The following MBL2 variants were observed in gnomAD, a reference collection of about 807,000 sequenced individuals.
MBL2 encodes mannose-binding protein C.
Under a neutral mutation model 12.7 loss-of-function variants are expected in MBL2, and 6 were observed. The observed-to-expected ratio is 0.47, with a 90% confidence interval of 0.26 to 0.94. The LOEUF (loss-of-function observed/expected upper bound fraction) is 0.94. MBL2 is among the 40% of genes least tolerant of loss of function. The pLI, the probability that MBL2 is intolerant of heterozygous loss-of-function variation, is 0.15. For missense variants in MBL2, 307 were observed against 295.2 expected, an observed-to-expected ratio of 1.04 and a Z score of -0.29; for synonymous variants, 114 against 112.0, an observed-to-expected ratio of 1.02 and a Z score of -0.11.
At chr10:52,772,145 G>A (rs1840404392) in intron 1 of MBL2, among the ~76,000 whole-genome samples, 1 of 152,172 alleles carries the variant, frequency 6.6e-6, no homozygotes, top group African/African-American at 2.4e-5. Context: ...CAGGCCCTGA[G>A]CTGAAAGCTG....
In MBL2 at chr10:52,768,386, C is replaced by G. The variant is rs1840338906; in HGVS notation, c.498G>C (p.Arg166Ser). 1 of 1,613,726 alleles carries G rather than the reference C, an allele frequency of 6.2e-7. No individual in the cohort carries two copies. Among genetic ancestry groups the G allele is most frequent in the African/African-American group, 1.3e-5 (1 of 74,718 alleles). Reference sequence around the variant, plus strand: ...GAATGGCTCCATTCTCTGCAGCATTCCTGGGGGTGGCCACAGAGGCCTGGA... The same window carrying G: ...GAATGGCTCCATTCTCTGCAGCATTGCTGGGGGTGGCCACAGAGGCCTGGA... Reference protein sequence around the residue: ...VKFQASVATPRNAAENGAIQN... With the variant: ...VKFQASVATPSNAAENGAIQN... Residue 166 changes from arginine to serine, a missense_variant, in exon 5 of 5, where the codon AGG (arginine) becomes AGC (serine). By Grantham distance (110) the Arg-to-Ser change is moderately radical (BLOSUM62 -1). Transcript: ENST00000674931.
At chr10:52,772,307 C>CGG (rs1840407184) in intron 1 of MBL2, among the ~76,000 whole-genome samples, 1 of 152,170 alleles carries the variant, frequency 6.6e-6, no homozygotes, top group Non-Finnish European at 1.5e-5. Context: ...TACGTTGGCC[C>CGG]TGGCAGAGTG....
chr10:52,769,851 CTTG>C (rs1391047897), intron 3 of MBL2, among the ~76,000 whole-genome samples: 1 of 152,182 alleles, frequency 6.6e-6, no homozygotes, highest in Non-Finnish European at 1.5e-5. Context: ...GAGCAAATCA[CTTG>C]TTGTAGTAGA....
intron 3 of MBL2, among the ~76,000 whole-genome samples, 190 bp from the exon 4 acceptor site, chr10:52,769,505 C>T (rs1224959810): frequency 6.6e-6 from 1 of 152,114 alleles, no homozygotes; most frequent in African/African-American, 2.4e-5. Flanking sequence ...CCATCCAACC[C>T]CAAATGTCCC....
At position 52,765,615 on chromosome 10, in the gene MBL2, CTGCA is replaced by C. The variant is rs1840294423; in HGVS notation, c.*2518_*2521del. ...AATAAGAATGATTATTTTCTCTCAG[CTGCA>C]AATACATGGCTGAAACACAAAGTAA... On this transcript the variant is annotated 3_prime_UTR_variant, in exon 5 of 5. Coordinates refer to ENST00000674931, the MANE Select transcript of MBL2 (RefSeq NM_001378373.1). 1 of 152,136 alleles carries C rather than the reference CTGCA, an allele frequency of 6.6e-6. No homozygotes were observed. The highest frequency in any genetic ancestry group is 2.4e-5 in the African/African-American group (1 of 41,436). 9.4% of individuals were successfully genotyped at this position (152,136 alleles called of 1,614,324 possible).
At position 52,768,265 on chromosome 10, in the gene MBL2, T is replaced by G; in HGVS notation, c.619A>C (p.Asn207His). ...DLTGNRLTYT[N>H]WNEGEPNNAG... is the part of the protein sequence containing the mutation. ...TTGTTGGGTTCACCCTCGTTCCAGT[T>G]TGTGTAGGTCAGTCTATTTCCTGTC... is the stretch of plus-strand genomic sequence containing the variant. Residue 207 changes from asparagine (N) to histidine (H), a missense_variant, in exon 5 of 5, where the codon AAC becomes CAC. Transcript: ENST00000674931. The G allele has an allele frequency of 6.2e-7, 1 of 1,613,904 alleles. No homozygotes were observed. The highest frequency in any genetic ancestry group is 8.5e-7 in the Non-Finnish European group (1 of 1,180,016).
rs1840392816 is a variant in MBL2 at position 52,771,540 on chromosome 10, G to A, written c.96C>T (p.Cys32=). 1 of 1,613,930 alleles carries A rather than the reference G, an allele frequency of 6.2e-7. No homozygotes were observed. The highest frequency in any genetic ancestry group is 8.5e-7 in the Non-Finnish European group (1 of 1,179,886). ...GAGAGCTACAGGCAATCACTGCAGG[G>A]CAGGTCTTTTGGGCATCCTCACAGG... The part of the protein sequence containing the change: ...TVTCEDAQKT[C]PAVIACSSPG... The change falls in exon 2 of 5, where the codon TGC becomes TGT. Residue 32 remains cysteine (C), a synonymous_variant. Coordinates refer to ENST00000674931, the MANE Select transcript of MBL2 (RefSeq NM_001378373.1).
chr10:52,772,156 G>C (rs1043218046), intron 1 of MBL2, among the ~76,000 whole-genome samples: 1 of 152,206 alleles, frequency 6.6e-6, no homozygotes, highest in African/African-American at 2.4e-5. Context: ...CTGAAAGCTG[G>C]TGATCCAAAG....
At chr10:52,771,687 A>G in intron 1 of MBL2, 43 bp from the exon 2 acceptor site, 1 of 1,577,566 alleles carries the variant, frequency 6.3e-7, no homozygotes, top group Non-Finnish European at 8.6e-7. Context: ...TCAGTTAATG[A>G]ACACATATTT....
At chr10:52,772,244 T>A (rs1052547019) in intron 1 of MBL2, among the ~76,000 whole-genome samples, 1 of 152,198 alleles carries the variant, frequency 6.6e-6, no homozygotes, top group Admixed American at 6.5e-5. Flanking sequence ...TGCTTCCCCT[T>A]GGTGTTTTAG....
intron 3 of MBL2, 40 bp downstream of exon 3, chr10:52,770,630 C>T (rs372992382): frequency 1.6e-6 from 2 of 1,252,390 alleles, no homozygotes; most frequent in South Asian, 2.2e-5. Flanking sequence ...GGTCTCAGAA[C>T]CCTGGGTGAA....
chr10:52,768,252 C>A lies in MBL2; in HGVS notation c.632G>T (p.Gly211Val). Reference protein sequence around the residue: ...NRLTYTNWNEGEPNNAGSDED... With the variant: ...NRLTYTNWNEVEPNNAGSDED... ...ATCAGAACCAGCATTGTTGGGTTCA[C>A]CCTCGTTCCAGTTTGTGTAGGTCAG... Residue 211 changes from glycine to valine, a missense_variant, in exon 5 of 5, where the codon GGT (glycine) becomes GTT (valine). Coordinates refer to ENST00000674931, the MANE Select transcript of MBL2 (RefSeq NM_001378373.1). 1 of 1,613,870 alleles carries A rather than the reference C, an allele frequency of 6.2e-7. No individual in the cohort carries two copies. The highest frequency in any genetic ancestry group is 8.5e-7 in the Non-Finnish European group (1 of 1,180,012).
chr10:52,771,050 C>T (rs1165957521), intron 2 of MBL2, among the ~76,000 whole-genome samples: 2 of 152,128 alleles, frequency 1.3e-5, no homozygotes, highest in Non-Finnish European at 2.9e-5. Flanking sequence ...TTCTCCTGTC[C>T]AGCCCACTGC....
intron 1 of MBL2, 148 bp from the exon 2 acceptor site, chr10:52,771,792 C>A (rs922053752): frequency 1.1e-5 from 13 of 1,177,994 alleles, no homozygotes; most frequent in Middle Eastern, 5.9e-4. Context: ...GAAAAGTAAA[C>A]ATTCCTTGTG....
Position 52,770,762 on chromosome 10 carries a change from C to A in MBL2, c.212G>T (p.Gly71Val), listed in dbSNP as rs773731975. ...EPGQGLRGLQGPPGKLGPPGN... is the reference protein window; with the variant it reads ...EPGQGLRGLQVPPGKLGPPGN... ...TGGAGGCCCCAACTTTCCAGGGGGG[C>A]CCTGTAAGCCTCTGAGCCCTTGGCC... Residue 71 changes from glycine (G) to valine (V), a missense_variant, in exon 3 of 5, where the codon GGC becomes GTC. Transcript: ENST00000674931. 2 of 1,502,826 alleles carry A rather than the reference C, an allele frequency of 1.3e-6. No homozygotes were observed. 93.1% of individuals were successfully genotyped at this position (1,502,826 alleles called of 1,614,324 possible).
At chr10:52,770,904 C>G (rs951763566) in intron 2 of MBL2, 118 bp from the exon 3 acceptor site, 40 of 504,048 alleles carry the variant, frequency 7.9e-5, no homozygotes, top group Non-Finnish European at 1.2e-4. Flanking sequence ...ACTGACCTTT[C>G]TGAGCACTGC....
At position 52,766,113 on chromosome 10, in the gene MBL2, A is replaced by G. The variant is rs1363920250; in HGVS notation, c.*2024T>C. 2.6e-5 allele frequency: 4 copies of G among 152,206 alleles called. No individual in the cohort carries two copies. Among genetic ancestry groups the G allele is most frequent in the African/African-American group, 7.2e-5 (3 of 41,464 alleles). 9.4% of individuals were successfully genotyped at this position (152,206 alleles called of 1,614,324 possible). The stretch of plus-strand genomic sequence containing the variant: ...TTCTAGTTACATGAAGCGATACATG[A>G]TGAACATTGATTAGAGATTCAGTAG... On this transcript the variant is annotated 3_prime_UTR_variant, in exon 5 of 5. Transcript: ENST00000674931.
intron 2 of MBL2, 22 bp from the exon 3 acceptor site, chr10:52,770,808 G>T (rs1238525643): frequency 3.1e-6 from 4 of 1,276,468 alleles, no homozygotes; most frequent in Non-Finnish European, 3.1e-6. Flanking sequence ...CAAAGGAAAT[G>T]TGACTTAATA....
At position 52,767,847 on chromosome 10, in the gene MBL2, C is replaced by A. The variant is rs762165162; in HGVS notation, c.*290G>T. 4.9e-5 allele frequency: 12 copies of A among 246,342 alleles called. No homozygotes were observed. The highest frequency in any genetic ancestry group is 1.6e-4 in the African/African-American group (7 of 44,330). 15.3% of individuals were successfully genotyped at this position (246,342 alleles called of 1,614,324 possible). On this transcript the variant is annotated 3_prime_UTR_variant, in exon 5 of 5. Coordinates refer to ENST00000674931, the MANE Select transcript of MBL2 (RefSeq NM_001378373.1). ...TCATACTGCAGCAAGTTAACACTAT[C>A]GAAAGCATTACAGATTAATTAAACT... is the stretch of plus-strand genomic sequence containing the variant.
Sources: allele counts gnomAD v4.1 joint callset (sites outside exome capture counted in the v4.1 genomes callset), GRCh38; gene constraint gnomAD v4.1.1; transcripts MANE v1.5; gene names NCBI Gene and HGNC (gene_info 2026-07-23, HGNC 2026-07-21).